Variants in FKBP1A observed in about 807,000 individuals in gnomAD.
FKBP1A encodes peptidyl-prolyl cis-trans isomerase FKBP1A.
In FKBP1A, 5 loss-of-function variants were observed where a neutral mutation model predicts 14.2. That is an observed-to-expected ratio of 0.35 (90% CI 0.18 to 0.74). The LOEUF is 0.74. FKBP1A is among the 30% of genes least tolerant of loss of function. FKBP1A has a pLI of 0.56. For missense variants in FKBP1A, 53 were observed against 138.8 expected (o/e 0.38, Z 3.10); for synonymous variants, 42 against 49.1 (o/e 0.86, Z 0.60).
At chr20:1,376,688 T>TAAATAGTAAAATTTACTATTATAA (rs2089548461) in intron 2 of FKBP1A, 3 of 152,158 alleles carry the variant, frequency 2.0e-5, no homozygotes, top group South Asian at 4.1e-4. Context: ...GTGAAAATAG[T>TAAATAGTAAAATTTACTATTATAA]AAATAGTAAA....
chr20:1,374,032 A>G (rs2089505156), intron 3 of FKBP1A, among the ~76,000 whole-genome samples: 1 of 152,248 alleles, frequency 6.6e-6, no homozygotes, highest in East Asian at 1.9e-4. Context: ...TATTTTATAG[A>G]GGAAGTAGAG....
At position 1,372,258 on chromosome 20, in the gene FKBP1A, A is replaced by C. The variant is rs758715173; in HGVS notation, c.199-18T>G. On this transcript the variant is annotated intron_variant, in intron 3 of 4. Coordinates refer to ENST00000400137, the MANE Select transcript of FKBP1A (RefSeq NM_000801.5). Reference sequence around the variant, plus strand: ...ACACTCATCTGTGAAAAGAACAAGGAAGACAGACTCAGCTGGACACATGCC... The same window carrying C: ...ACACTCATCTGTGAAAAGAACAAGGCAGACAGACTCAGCTGGACACATGCC... 18 of 1,613,162 alleles carry C rather than the reference A, an allele frequency of 1.1e-5. No individual in the cohort carries two copies. Among genetic ancestry groups the C allele is most frequent in the African/African-American group, 2.7e-5 (2 of 74,920 alleles).
chr20:1,380,380 A>C (rs1435112403), intron 2 of FKBP1A, among the ~76,000 whole-genome samples: 1 of 152,158 alleles, frequency 6.6e-6, no homozygotes, highest in Non-Finnish European at 1.5e-5. Flanking sequence ...GTATCTGAGC[A>C]AACTATTCAA....
intron 2 of FKBP1A, chr20:1,377,387 G>C (rs1404646358): frequency 1.3e-5 from 2 of 152,296 alleles, no homozygotes; most frequent in Non-Finnish European, 2.9e-5. Flanking sequence ...CTGGAGCTGG[G>C]AGCTGAGGAC....
intron 2 of FKBP1A, among the ~76,000 whole-genome samples, 154 bp from the exon 3 acceptor site, chr20:1,375,757 C>T (rs1374409810): frequency 2.0e-5 from 3 of 152,160 alleles, no homozygotes; most frequent in East Asian, 3.9e-4. Flanking sequence ...CACTGGACAT[C>T]TAAGGAGTTG....
chr20:1,389,087 G>A (rs185612119), intron 2 of FKBP1A, among the ~76,000 whole-genome samples: 4 of 152,226 alleles, frequency 2.6e-5, no homozygotes, highest in African/African-American at 9.6e-5. Context: ...ACGAAAAGCA[G>A]CCAACTTCCC....
intron 2 of FKBP1A, chr20:1,391,789 G>A: frequency 2.6e-6 from 1 of 385,150 alleles, no homozygotes; most frequent in East Asian, 3.7e-5. Flanking sequence ...AGGGGGAACA[G>A]AGGAAAGGGT....
intron 2 of FKBP1A, chr20:1,378,010 G>T (rs1426925584): frequency 3.3e-5 from 5 of 150,582 alleles, no homozygotes; most frequent in Non-Finnish European, 7.4e-5. Flanking sequence ...TGGCCCAGCA[G>T]ATGAACTCGA....
intron 3 of FKBP1A, among the ~76,000 whole-genome samples, 178 bp from the exon 4 acceptor site, chr20:1,372,418 T>C (rs1476965468): frequency 2.6e-5 from 4 of 152,236 alleles, no homozygotes. Flanking sequence ...GGCAGTCATA[T>C]TCCATCACCC....
chr20:1,377,530 A>G (rs893714352), intron 2 of FKBP1A: 1 of 152,188 alleles, frequency 6.6e-6, no homozygotes, highest in Non-Finnish European at 1.5e-5. Context: ...AGAAATGACT[A>G]ATGGCAGGAC....
intron 2 of FKBP1A, among the ~76,000 whole-genome samples, chr20:1,382,977 G>A (rs1040360097): frequency 1.3e-5 from 2 of 152,166 alleles, no homozygotes; most frequent in African/African-American, 4.8e-5. Flanking sequence ...AGGGAGACCT[G>A]GCCAGCAGCT....
At chr20:1,382,426 T>TA (rs2089627436) in intron 2 of FKBP1A, among the ~76,000 whole-genome samples, 1 of 152,210 alleles carries the variant, frequency 6.6e-6, no homozygotes, top group Admixed American at 6.5e-5. Flanking sequence ...TACAAGCCTA[T>TA]AACTCATGCC....
At chr20:1,370,709 C>T (rs1376404768) in intron 4 of FKBP1A, 11 of 985,270 alleles carry the variant, frequency 1.1e-5, no homozygotes, top group African/African-American at 3.5e-5. Context: ...CTCGGGGTGA[C>T]TTGTAGCCTT....
chr20:1,383,890 A>G (rs1032644655), intron 2 of FKBP1A, among the ~76,000 whole-genome samples: 5 of 151,674 alleles, frequency 3.3e-5, no homozygotes, highest in Non-Finnish European at 7.4e-5. Flanking sequence ...AGGGGGAGCC[A>G]GTATTTTTCT....
intron 2 of FKBP1A, chr20:1,391,804 A>AGG: frequency 3.0e-6 from 1 of 337,666 alleles, no homozygotes; most frequent in African/African-American, 2.2e-5. Context: ...AAGGGTGGGA[A>AGG]GGTTGAGAAA....
chr20:1,379,603 G>A lies in FKBP1A; in HGVS notation c.86-4000C>T, dbSNP rs1165540659. On this transcript the variant is annotated intron_variant, in intron 2 of 4. Coordinates refer to ENST00000400137, the MANE Select transcript of FKBP1A (RefSeq NM_000801.5). This position sits in a 1 kb window ranked among gnomAD's most constrained non-coding sequence, Gnocchi z 4.3. Reference sequence around the variant, plus strand: ...GGATGCTCTGTTGTCCCTGGGAAAGGGGCATGAGACTTGCTCCAGAATTTC... The same window carrying A: ...GGATGCTCTGTTGTCCCTGGGAAAGAGGCATGAGACTTGCTCCAGAATTTC... Among the ~76,000 whole-genome samples, 1 of 152,144 alleles carries A rather than the reference G, an allele frequency of 6.6e-6. No homozygotes were observed. Among genetic ancestry groups the A allele is most frequent in the Non-Finnish European group, 1.5e-5 (1 of 68,030 alleles).
chr20:1,380,294 G>C (rs560520463), intron 2 of FKBP1A, among the ~76,000 whole-genome samples: 1 of 152,104 alleles, frequency 6.6e-6, no homozygotes, highest in Non-Finnish European at 1.5e-5. Context: ...AGTACCAGCA[G>C]GAGAGAGCTA....
intron 2 of FKBP1A, among the ~76,000 whole-genome samples, chr20:1,392,412 G>A (rs2089749189): frequency 6.6e-6 from 1 of 152,158 alleles, no homozygotes. Context: ...GGAAGTGGGG[G>A]CAGGGGCACA....
intron 2 of FKBP1A, among the ~76,000 whole-genome samples, chr20:1,384,154 C>G (rs2089646475): frequency 6.6e-6 from 1 of 152,096 alleles, no homozygotes; most frequent in South Asian, 2.1e-4. Flanking sequence ...TCTGTGTTCA[C>G]AAAGGGAGGA....
Sources: allele counts gnomAD v4.1 joint callset (sites outside exome capture counted in the v4.1 genomes callset), GRCh38; gene constraint gnomAD v4.1.1; non-coding constraint Gnocchi (gnomAD v3.1); transcripts MANE v1.5; gene names NCBI Gene and HGNC (gene_info 2026-07-23, HGNC 2026-07-21).